MAP3K3: variants seen among roughly 807,000 people sequenced by gnomAD.
MAP3K3 encodes mitogen-activated protein kinase kinase kinase 3, also known as MAP/ERK kinase kinase 3.
In MAP3K3, 12 loss-of-function variants were observed where a neutral mutation model predicts 80.9. The observed-to-expected ratio is 0.15, with a 90% CI of 0.10 to 0.24. The LOEUF (loss-of-function observed/expected upper bound fraction) is 0.24. Ranked by LOEUF, MAP3K3 falls within the 10% of genes least tolerant of loss-of-function variation. MAP3K3 has a pLI of 1.00. For missense variants in MAP3K3, 596 were observed against 834.7 expected, an observed-to-expected ratio of 0.71 and a Z score of 3.52; for synonymous variants, 272 against 307.1, an observed-to-expected ratio of 0.89 and a Z score of 1.19.
Position 63,693,991 on chromosome 17 carries a change from C to G in MAP3K3, c.*214C>G. The stretch of plus-strand genomic sequence containing the variant: ...CTGGGAGCCCCCAGCCTGTCAGATC[C>G]AGGAGCTCCAGTGTCCTGAGCTCAG... On this transcript the variant is annotated 3_prime_UTR_variant, in exon 16 of 16. Transcript: ENST00000361733. This position sits in a 1 kb window ranked among gnomAD's most constrained non-coding sequence, Gnocchi z 4.2. 3.8e-6 allele frequency: 2 copies of G among 526,248 alleles called. No homozygotes were observed. The highest frequency in any genetic ancestry group is 3.3e-6 in the Non-Finnish European group (1 of 299,126). The allele number at this position is 526,248 out of a possible 1,614,324, so 32.6% of individuals were successfully genotyped here.
Position 63,628,063 on chromosome 17 carries a change from G to A in MAP3K3, c.5-4618G>A, listed in dbSNP as rs150557143. 1.1e-4 allele frequency among the ~76,000 whole-genome samples: 17 copies of A among 151,580 alleles called. No individual in the cohort carries two copies. The East Asian group carries it at 2.4e-3, about 21-fold the overall frequency. ...TGGGATTACAGGTGTGCACCACCAC[G>A]CCCAGCTAATTTTTGTATTTTTAGT... is the stretch of plus-strand genomic sequence containing the variant. On this transcript the variant is annotated intron_variant, in intron 1 of 15. Transcript: ENST00000361733.
chr17:63,649,888 C>T (rs2034615370), intron 3 of MAP3K3, among the ~76,000 whole-genome samples: 1 of 152,158 alleles, frequency 6.6e-6, no homozygotes, highest in Admixed American at 6.5e-5. Context: ...TTATTAAAAC[C>T]CAATGGTTTA....
At chr17:63,632,627 G>A in intron 1 of MAP3K3, 54 bp from the exon 2 acceptor site, 1 of 1,603,350 alleles carries the variant, frequency 6.2e-7, no homozygotes, top group Non-Finnish European at 8.5e-7. Context: ...TTGTGAAAGA[G>A]CTTTGCTGGT....
intron 2 of MAP3K3, among the ~76,000 whole-genome samples, chr17:63,641,242 C>CTTTTTTTTTTTTTTTTTT (rs1220305485): frequency 7.0e-6 from 1 of 143,118 alleles, no homozygotes. Context: ...AGTGCCATTA[C>CTTTTTTTTTTTTTTTTTT]TTTTTTTTTT....
intron 6 of MAP3K3, among the ~76,000 whole-genome samples, chr17:63,672,301 A>G (rs1355398759): frequency 1.3e-5 from 2 of 151,208 alleles, no homozygotes; most frequent in African/African-American, 2.4e-5. Context: ...AAAAAAAAAA[A>G]GGAAGGAAGA....
chr17:63,663,765 G>A (rs1386908708), intron 5 of MAP3K3, among the ~76,000 whole-genome samples: 2 of 152,100 alleles, frequency 1.3e-5, no homozygotes, highest in Non-Finnish European at 2.9e-5. Flanking sequence ...GGTGGCAAAT[G>A]CCTGCAATTC....
At chr17:63,671,324 C>T (rs564571609) in intron 6 of MAP3K3, among the ~76,000 whole-genome samples, 11 of 148,418 alleles carry the variant, frequency 7.4e-5, no homozygotes, top group South Asian at 2.1e-4. Context: ...GGTGTGATCT[C>T]GGCTCACTGC....
chr17:63,660,105 C>A (rs1191207248), intron 5 of MAP3K3, among the ~76,000 whole-genome samples: 1 of 152,208 alleles, frequency 6.6e-6, no homozygotes, highest in Non-Finnish European at 1.5e-5. Context: ...TGGTCTTCAT[C>A]ACCTCCGCTG....
intron 5 of MAP3K3, among the ~76,000 whole-genome samples, chr17:63,662,337 G>T (rs2034910686): frequency 1.3e-5 from 2 of 150,930 alleles, no homozygotes; most frequent in Non-Finnish European, 3.0e-5. Context: ...ATCACCTGAG[G>T]CCGGGAGGTT....
chr17:63,664,252 A>G (rs1299115754), intron 5 of MAP3K3, among the ~76,000 whole-genome samples: 1 of 151,274 alleles, frequency 6.6e-6, no homozygotes, highest in African/African-American at 2.4e-5. Flanking sequence ...GTCTCAAAAA[A>G]AAAAAAAAAA....
intron 1 of MAP3K3, among the ~76,000 whole-genome samples, chr17:63,623,476 G>C (rs1013937497): frequency 4.6e-5 from 7 of 152,210 alleles, no homozygotes; most frequent in African/African-American, 1.7e-4. Flanking sequence ...TTTTCTTGCG[G>C]TATCCCTGAA....
intron 2 of MAP3K3, among the ~76,000 whole-genome samples, chr17:63,642,484 C>T (rs1284861161): frequency 6.6e-6 from 1 of 151,942 alleles, no homozygotes; most frequent in South Asian, 2.1e-4. Flanking sequence ...GGGGTGAAAC[C>T]TTGTCTCTAC....
intron 3 of MAP3K3, among the ~76,000 whole-genome samples, chr17:63,651,233 C>T (rs1323637926): frequency 6.6e-6 from 1 of 152,022 alleles, no homozygotes; most frequent in Non-Finnish European, 1.5e-5. Flanking sequence ...CCTATAATAC[C>T]AGCACTTTGG....
chr17:63,624,463 T>C (rs1260649819), intron 1 of MAP3K3, among the ~76,000 whole-genome samples: 1 of 152,196 alleles, frequency 6.6e-6, no homozygotes, highest in Non-Finnish European at 1.5e-5. Flanking sequence ...TTATCTAACA[T>C]GAAAATAGAT....
intron 12 of MAP3K3, 83 bp downstream of exon 12, chr17:63,690,495 T>TG: frequency 7.1e-7 from 1 of 1,416,310 alleles, no homozygotes; most frequent in Admixed American, 2.0e-5. Flanking sequence ...TTGCCTGAGA[T>TG]GCTGTAGGTT....
chr17:63,673,219 T>C (rs577062942), intron 6 of MAP3K3, among the ~76,000 whole-genome samples: 2 of 152,320 alleles, frequency 1.3e-5, no homozygotes, highest in East Asian at 3.9e-4. Context: ...CTGATTCTAG[T>C]GCTGCTCCCT....
At chr17:63,665,001 G>A (rs553195043) in intron 5 of MAP3K3, among the ~76,000 whole-genome samples, 3 of 151,864 alleles carry the variant, frequency 2.0e-5, no homozygotes, top group East Asian at 2.0e-4. Flanking sequence ...TTGATCTGAG[G>A]TGTCAAAATC....
At chr17:63,637,633 C>T (rs2034357033) in intron 2 of MAP3K3, among the ~76,000 whole-genome samples, 1 of 152,202 alleles carries the variant, frequency 6.6e-6, no homozygotes, top group South Asian at 2.1e-4. Context: ...CTAACTACAA[C>T]TGTCCATAGT....
chr17:63,666,235 A>G (rs751338768), intron 5 of MAP3K3, among the ~76,000 whole-genome samples: 7 of 152,202 alleles, frequency 4.6e-5, no homozygotes, highest in South Asian at 4.2e-4. Flanking sequence ...GCTTTTCCCA[A>G]TTGAACATGA....
Sources: allele counts gnomAD v4.1 joint callset (sites outside exome capture counted in the v4.1 genomes callset), GRCh38; gene constraint gnomAD v4.1.1; non-coding constraint Gnocchi (gnomAD v3.1); transcripts MANE v1.5; gene names NCBI Gene and HGNC (gene_info 2026-07-23, HGNC 2026-07-21).